TNFRSF11A: variants seen among roughly 807,000 people sequenced by gnomAD.
The protein encoded by TNFRSF11A is tumor necrosis factor receptor superfamily member 11A.
TNFRSF11A carries 32 observed loss-of-function variants against 55.7 expected under a neutral mutation model. The ratio of observed to expected loss-of-function variants is 0.57; its 90% CI spans 0.43 to 0.77. The LOEUF (loss-of-function observed/expected upper bound fraction) is 0.77. Ranked by LOEUF, TNFRSF11A falls within the 30% of genes least tolerant of loss-of-function variation. The probability of loss-of-function intolerance (pLI) is 0.00; values close to 1 mark genes in which losing one functional copy is unlikely to be tolerated. For synonymous variants in TNFRSF11A, 311 were observed against 331.0 expected, an observed-to-expected ratio of 0.94 and a Z score of 0.65; for missense variants, 753 against 809.8, an observed-to-expected ratio of 0.93 and a Z score of 0.85.
At chr18:62,366,168 G>A (rs1428845073) in intron 7 of TNFRSF11A, among the ~76,000 whole-genome samples, 1 of 152,188 alleles carries the variant, frequency 6.6e-6, no homozygotes. Flanking sequence ...TTCACTCCCA[G>A]GAGTGCTCAC....
At chr18:62,361,558 T>C in intron 6 of TNFRSF11A, 122 bp from the exon 7 acceptor site, 2 of 942,410 alleles carry the variant, frequency 2.1e-6, no homozygotes, top group Non-Finnish European at 3.5e-6. Context: ...GTGGGGACTG[T>C]CACTTCTGCT....
chr18:62,340,367 C>T (rs570848639), intron 1 of TNFRSF11A, among the ~76,000 whole-genome samples: 202 of 152,026 alleles, frequency 1.3e-3, no homozygotes, highest in African/African-American at 4.7e-3. Flanking sequence ...CACAGGCACA[C>T]GCTACCACAC....
chr18:62,341,884 C>G, intron 1 of TNFRSF11A, among the ~76,000 whole-genome samples: 1 of 110,484 alleles, frequency 9.1e-6, no homozygotes, highest in African/African-American at 3.6e-5. Flanking sequence ...GAAATGTAGT[C>G]AGTTTTATTA....
At chr18:62,337,303 G>T (rs1054167704) in intron 1 of TNFRSF11A, among the ~76,000 whole-genome samples, 4 of 152,090 alleles carry the variant, frequency 2.6e-5, no homozygotes, top group Admixed American at 2.6e-4. Context: ...TAAAAATCTA[G>T]TGGCAAAGGT....
At chr18:62,375,539 G>A (rs1220118053) in intron 9 of TNFRSF11A, among the ~76,000 whole-genome samples, 1 of 152,194 alleles carries the variant, frequency 6.6e-6, no homozygotes, top group Non-Finnish European at 1.5e-5. Flanking sequence ...CTGTAAGATT[G>A]GTTCGATAGC....
At chr18:62,331,980 A>G (rs1300186410) in intron 1 of TNFRSF11A, among the ~76,000 whole-genome samples, 1 of 152,190 alleles carries the variant, frequency 6.6e-6, no homozygotes, top group East Asian at 1.9e-4. Flanking sequence ...CCACCCTTTT[A>G]GTTCATCAAA....
At chr18:62,365,408 G>A (rs540125846) in intron 7 of TNFRSF11A, among the ~76,000 whole-genome samples, 1 of 152,298 alleles carries the variant, frequency 6.6e-6, no homozygotes, top group South Asian at 2.1e-4. Context: ...AAGAGTGGGT[G>A]GAGATGTACT....
intron 4 of TNFRSF11A, among the ~76,000 whole-genome samples, chr18:62,356,370 G>A (rs1410118054): frequency 1.3e-5 from 2 of 152,110 alleles, no homozygotes; most frequent in Non-Finnish European, 2.9e-5. Context: ...TTTTTTAATG[G>A]TTAAAATGGA....
intron 1 of TNFRSF11A, among the ~76,000 whole-genome samples, chr18:62,342,673 G>A (rs2046331287): frequency 6.6e-6 from 1 of 152,114 alleles, no homozygotes; most frequent in Non-Finnish European, 1.5e-5. Context: ...CTAAGGAAGG[G>A]GCAGACCAGG....
At chr18:62,349,449 G>A (rs1465988414) in intron 2 of TNFRSF11A, among the ~76,000 whole-genome samples, 9 of 152,150 alleles carry the variant, frequency 5.9e-5, no homozygotes. Flanking sequence ...CCAAACTGCT[G>A]GGATTACAGG....
chr18:62,330,556 A>G (rs2145235578), intron 1 of TNFRSF11A, among the ~76,000 whole-genome samples: 1 of 152,248 alleles, frequency 6.6e-6, no homozygotes, highest in Non-Finnish European at 1.5e-5. Flanking sequence ...CAGATTTAAT[A>G]TTGAGCTGTG....
intron 8 of TNFRSF11A, 70 bp downstream of exon 8, chr18:62,366,830 C>A: frequency 1.4e-6 from 2 of 1,475,006 alleles, no homozygotes; most frequent in South Asian, 1.1e-5. Context: ...CCATCCTAGT[C>A]ACATATTGAG....
Position 62,369,088 on chromosome 18 carries a change from A to T in TNFRSF11A, c.1171A>T (p.Thr391Ser), listed in dbSNP as rs1273145672. The T allele has an allele frequency of 1.9e-6, 3 of 1,614,000 alleles. No individual in the cohort carries two copies. Among genetic ancestry groups the T allele is most frequent in the Non-Finnish European group, 2.5e-6 (3 of 1,180,050 alleles). ...GAATGACAGTTTAAGCCAGTGCTTC[A>T]CGGGGACACAGAGCACAGTGGGTTC... The part of the protein sequence containing the change: ...GENDSLSQCF[T>S]GTQSTVGSES... Residue 391 changes from threonine to serine, a missense_variant, in exon 9 of 10, where the codon ACG becomes TCG. Physicochemically the swap from Thr to Ser is moderately conservative, Grantham distance 58. This residue lies in a region of TNFRSF11A where 567 missense variants were observed against 596.7 expected (regional missense o/e 0.95). Transcript: ENST00000586569.
In TNFRSF11A at chr18:62,354,461, C is replaced by G; in HGVS notation, c.354C>G (p.Tyr118Ter). Residue 118 changes from tyrosine to a stop codon, truncating the protein, a stop_gained, in exon 4 of 10, where the codon TAC becomes TAG. Coordinates refer to ENST00000586569, the MANE Select transcript of TNFRSF11A (RefSeq NM_003839.4). LOFTEE classifies it high-confidence loss of function. ...GGCGCTGCGCGTGCACGGCTGGGTA[C>G]CACTGGAGCCAGGACTGCGAGTGCT... ...TPRRCACTAGYHWSQDCECCR... is the reference protein window; with the variant it reads ...TPRRCACTAG 1.2e-6 allele frequency: 2 copies of G among 1,601,224 alleles called. No homozygotes were observed. Among genetic ancestry groups the G allele is most frequent in the Non-Finnish European group, 1.7e-6 (2 of 1,179,150 alleles).
At chr18:62,372,434 T>TAACG (rs1228072731) in intron 9 of TNFRSF11A, among the ~76,000 whole-genome samples, 1 of 152,066 alleles carries the variant, frequency 6.6e-6, no homozygotes, top group Non-Finnish European at 1.5e-5. Context: ...CTGAAGCCAC[T>TAACG]CGTTAGTCTA....
chr18:62,368,704 T>A lies in TNFRSF11A; in HGVS notation c.787T>A (p.Ser263Thr). The A allele has an allele frequency of 6.2e-7, 1 of 1,613,960 alleles. No homozygotes were observed. Among genetic ancestry groups the A allele is most frequent in the Non-Finnish European group, 8.5e-7 (1 of 1,179,986 alleles). Residue 263 changes from serine to threonine, a missense_variant, in exon 9 of 10, where the codon TCC becomes ACC. Around this residue, in one of 3 missense-constraint regions of TNFRSF11A, gnomAD observed 567 missense variants for 596.7 expected, o/e 0.95. Transcript: ENST00000586569. ...ACGRLSGDKE[S>T]SGDSCVSTHT... is the part of the protein sequence containing the mutation. The stretch of plus-strand genomic sequence containing the variant: ...CCTTCTGAATGTAAATCGGCAGGAG[T>A]CCTCAGGTGACAGTTGTGTCAGTAC...
intron 1 of TNFRSF11A, among the ~76,000 whole-genome samples, chr18:62,334,892 A>G (rs970216046): frequency 6.6e-6 from 1 of 152,198 alleles, no homozygotes; most frequent in African/African-American, 2.4e-5. Flanking sequence ...ACTAATGCAC[A>G]GTGGCCAGAA....
chr18:62,387,687 A>G lies in TNFRSF11A; in HGVS notation c.*2653A>G, dbSNP rs149046091. ...ATGGAAATGGAGTATCATGTTTCCT[A>G]CTCACATTTTACTCAGCTGTCGGAA... is the stretch of plus-strand genomic sequence containing the variant. On this transcript the variant is annotated 3_prime_UTR_variant, in exon 10 of 10. Coordinates refer to ENST00000586569, the MANE Select transcript of TNFRSF11A (RefSeq NM_003839.4). 6.6e-6 allele frequency: 1 copy of G among 152,292 alleles called. No individual in the cohort carries two copies. Among genetic ancestry groups the G allele is most frequent in the Non-Finnish European group, 1.5e-5 (1 of 68,026 alleles). 9.4% of individuals were successfully genotyped at this position (152,292 alleles called of 1,614,324 possible).
intron 9 of TNFRSF11A, among the ~76,000 whole-genome samples, chr18:62,371,218 C>T (rs1172973448): frequency 6.6e-6 from 1 of 152,310 alleles, no homozygotes; most frequent in African/African-American, 2.4e-5. Context: ...AGAAAGCTGA[C>T]GTTCTGTCTC....
Sources: gnomAD v4.1 joint callset for allele counts (sites outside exome capture counted in the v4.1 genomes callset) on GRCh38, gnomAD v4.1.1 for gene constraint, gnomAD v4.1.1 regional missense constraint, MANE v1.5 for transcripts, NCBI Gene and HGNC (gene_info 2026-07-23, HGNC 2026-07-21) for gene names.